The following MAPRE2 variants were observed in gnomAD, a reference collection of about 807,000 sequenced individuals.
The protein encoded by MAPRE2 is microtubule associated protein RP/EB family member 2.
Under a neutral mutation model 43.2 loss-of-function variants are expected in MAPRE2, and 13 were observed. That is an observed-to-expected ratio of 0.30 (90% CI 0.20 to 0.48). MAPRE2 has a LOEUF of 0.48. Ranked by LOEUF, MAPRE2 falls within the 20% of genes least tolerant of loss-of-function variation. The probability of loss-of-function intolerance (pLI) is 0.99; values close to 1 mark genes in which losing one functional copy is unlikely to be tolerated. For missense variants in MAPRE2, 161 were observed against 400.2 expected (o/e 0.40, Z 5.10); for synonymous variants, 135 against 148.8 (o/e 0.91, Z 0.68).
Position 34,985,316 on chromosome 18 carries a change from T to TTA in MAPRE2, c.-70+8246_-70+8247dup, listed in dbSNP as rs1169938410. Among the ~76,000 whole-genome samples, 5 of 43,754 alleles carry TTA rather than the reference T, an allele frequency of 1.1e-4. 1 individual carries two copies. The highest frequency in any genetic ancestry group is 1.9e-4 in the Non-Finnish European group (5 of 26,882). 28.7% of individuals were successfully genotyped at this position (43,754 alleles called of 152,430 possible). On this transcript the variant is annotated intron_variant, in intron 1 of 7. Coordinates refer to the MAPRE2 transcript ENST00000413393. ...TATATTATATATTGTATATATTATA[T>TTA]TATATATATAATATAATATATAATA...
intron 1 of MAPRE2, among the ~76,000 whole-genome samples, chr18:35,065,149 T>A (rs1906773190): frequency 6.6e-6 from 1 of 151,750 alleles, no homozygotes; most frequent in Non-Finnish European, 1.5e-5. Context: ...ACCAAAAAAA[T>A]TAGCTGGGCG....
rs9949666 is a variant in MAPRE2 at position 35,072,934 on chromosome 18, G to T, written c.250+2612G>T. On this transcript the variant is annotated intron_variant, in intron 2 of 6. Coordinates refer to ENST00000300249, the MANE Select transcript of MAPRE2 (RefSeq NM_014268.4). ...CTTTCTGCTCTGAAATATGTTTCTC[G>T]CTAGAAAAAAAAAAGGAAGTTAATC... is the stretch of plus-strand genomic sequence containing the variant. Among the ~76,000 whole-genome samples, 162 of 151,204 alleles carry T rather than the reference G, an allele frequency of 1.1e-3. 2 individuals carry two copies. The highest frequency in any genetic ancestry group is 2.9e-3 in the African/African-American group (118 of 41,212).
chr18:34,989,530 TGA>T (rs2097022680), intron 1 of MAPRE2, among the ~76,000 whole-genome samples: 1 of 152,096 alleles, frequency 6.6e-6, no homozygotes, highest in African/African-American at 2.4e-5. Flanking sequence ...GGCAACATAG[TGA>T]GACCCTATGT....
At chr18:35,075,754 C>G (rs1362834502) in intron 2 of MAPRE2, among the ~76,000 whole-genome samples, 1 of 139,858 alleles carries the variant, frequency 7.2e-6, no homozygotes, top group South Asian at 2.3e-4. Context: ...AAGAAGGGGA[C>G]AAAAAAAAAA....
intron 2 of MAPRE2, among the ~76,000 whole-genome samples, chr18:35,024,736 A>G (rs1440682030): frequency 6.6e-6 from 1 of 152,226 alleles, no homozygotes; most frequent in Non-Finnish European, 1.5e-5. Context: ...TGTCCTTTAT[A>G]TCATAGACAA....
intron 1 of MAPRE2, among the ~76,000 whole-genome samples, chr18:35,042,463 G>C (rs1007158658): frequency 6.6e-6 from 1 of 152,110 alleles, no homozygotes; most frequent in African/African-American, 2.4e-5. Context: ...GAGTTGGCCT[G>C]TACGGTTGGC....
At chr18:35,123,774 G>C (rs1040853019) in intron 4 of MAPRE2, among the ~76,000 whole-genome samples, 1 of 152,172 alleles carries the variant, frequency 6.6e-6, no homozygotes, top group African/African-American at 2.4e-5. Flanking sequence ...GCCTCTGCTA[G>C]GTCTTATATA....
At position 35,083,919 on chromosome 18, in the gene MAPRE2, T is replaced by C. The variant is rs908268661; in HGVS notation, c.251-13527T>C. ...TCCATTGAAATTTCCTTTTGAAAGA[T>C]AGTAGAAAATACTCTTTATTCTTCC... On this transcript the variant is annotated intron_variant, in intron 2 of 6. Transcript: ENST00000300249. 6.6e-5 allele frequency among the ~76,000 whole-genome samples: 10 copies of C among 152,334 alleles called. No individual in the cohort carries two copies. In the East Asian group the frequency reaches 1.2e-3, roughly 18 times the overall value.
chr18:35,123,717 G>A (rs1909786168), intron 4 of MAPRE2, among the ~76,000 whole-genome samples: 1 of 152,188 alleles, frequency 6.6e-6, no homozygotes, highest in Admixed American at 6.5e-5. Flanking sequence ...CTTTGACATT[G>A]GCATCAGCTC....
chr18:34,984,670 G>C (rs2097018103), intron 1 of MAPRE2, among the ~76,000 whole-genome samples: 1 of 148,400 alleles, frequency 6.7e-6, no homozygotes, highest in African/African-American at 2.5e-5. Flanking sequence ...ATGCTGACTG[G>C]GTAAGGAACC....
chr18:34,984,096 A>C (rs1220082413), intron 1 of MAPRE2, among the ~76,000 whole-genome samples: 1 of 152,234 alleles, frequency 6.6e-6, no homozygotes, highest in Non-Finnish European at 1.5e-5. Context: ...TCAAAAGTAG[A>C]CCAGATTATA....
chr18:35,054,121 C>A (rs771076318), intron 1 of MAPRE2, among the ~76,000 whole-genome samples: 2 of 152,054 alleles, frequency 1.3e-5, no homozygotes, highest in Non-Finnish European at 2.9e-5. Flanking sequence ...TCTAATTTGG[C>A]AGTTTTGTTG....
intron 2 of MAPRE2, among the ~76,000 whole-genome samples, chr18:35,089,879 G>A: frequency 6.6e-6 from 1 of 152,060 alleles, no homozygotes; most frequent in Non-Finnish European, 1.5e-5. Flanking sequence ...AAACATAAAA[G>A]CAATCTAGAT....
chr18:35,139,994 G>A (rs980512808), intron 6 of MAPRE2, among the ~76,000 whole-genome samples: 1 of 152,218 alleles, frequency 6.6e-6, no homozygotes, highest in Non-Finnish European at 1.5e-5. Context: ...CAAAGGTTAG[G>A]AAAGTATGCC....
chr18:34,990,705 C>A (rs2097023323), intron 1 of MAPRE2, among the ~76,000 whole-genome samples: 1 of 152,108 alleles, frequency 6.6e-6, no homozygotes, highest in South Asian at 2.1e-4. Flanking sequence ...AGTACTTCTA[C>A]ACTGATGTTT....
At chr18:35,088,031 G>T (rs960682536) in intron 2 of MAPRE2, among the ~76,000 whole-genome samples, 2 of 152,110 alleles carry the variant, frequency 1.3e-5, no homozygotes, top group South Asian at 4.1e-4. Flanking sequence ...ATTTCAGGAG[G>T]GCTGAACCCT....
chr18:35,041,228 C>T, upstream of MAPRE2: 1 of 986,642 alleles, frequency 1.0e-6, no homozygotes, highest in Non-Finnish European at 1.4e-6. Context: ...TAGGCCTGCC[C>T]CGGTGCCTGC....
At chr18:35,131,933 C>G in intron 5 of MAPRE2, 99 bp from the exon 6 acceptor site, 1 of 1,139,142 alleles carries the variant, frequency 8.8e-7, no homozygotes, top group Admixed American at 2.2e-5. Context: ...TTCTGCTTCT[C>G]TCTCTCTCTC....
At chr18:35,005,377 T>G in intron 1 of MAPRE2, 2 of 567,460 alleles carry the variant, frequency 3.5e-6, no homozygotes, top group Admixed American at 3.5e-5. Context: ...TATTTTTTCT[T>G]TAATTTTTTC....
Sources: gnomAD v4.1 joint callset for allele counts (sites outside exome capture counted in the v4.1 genomes callset) on GRCh38, gnomAD v4.1.1 for gene constraint, MANE v1.5 for transcripts, NCBI Gene and HGNC (gene_info 2026-07-23, HGNC 2026-07-21) for gene names.